The following C3orf85 variants were observed in gnomAD, a reference collection of about 807,000 sequenced individuals.
C3orf85 encodes the protein chromosome 3 open reading frame 85, also known as uncharacterized protein C3orf85.
Under a neutral mutation model 1.7 loss-of-function variants are expected in C3orf85, and 1 was observed. That is an observed-to-expected ratio of 0.60 (90% CI 0.21 to 2.86). The LOEUF is 2.86. Ranked by LOEUF, C3orf85 falls within the 30% of genes most tolerant of loss-of-function variation. The pLI, the probability that C3orf85 is intolerant of heterozygous loss-of-function variation, is 0.22. For synonymous variants in C3orf85, 17 were observed against 8.0 expected, an observed-to-expected ratio of 2.13 and a Z score of -1.90; for missense variants, 29 against 21.3, an observed-to-expected ratio of 1.36 and a Z score of -0.72.
chr3:109,145,296 C>T (rs1427733266), intron 2 of C3orf85, among the ~76,000 whole-genome samples: 1 of 152,124 alleles, frequency 6.6e-6, no homozygotes, highest in Non-Finnish European at 1.5e-5. Context: ...ATTACTCAGT[C>T]TTAAAAAAGG....
intron 2 of C3orf85, among the ~76,000 whole-genome samples, chr3:109,137,472 T>A (rs1367686562): frequency 6.6e-6 from 1 of 151,760 alleles, no homozygotes; most frequent in East Asian, 1.9e-4. Flanking sequence ...ATTATCTTCA[T>A]GGTTAAATCT....
chr3:109,141,723 C>A (rs1441756118), intron 2 of C3orf85, among the ~76,000 whole-genome samples: 1 of 152,100 alleles, frequency 6.6e-6, no homozygotes, highest in Non-Finnish European at 1.5e-5. Context: ...ATAGCTATGC[C>A]ATTGTGTGTA....
At chr3:109,146,989 T>C (rs1419954488) in intron 2 of C3orf85, among the ~76,000 whole-genome samples, 6 of 152,196 alleles carry the variant, frequency 3.9e-5, no homozygotes, top group Non-Finnish European at 5.9e-5. Flanking sequence ...TGTTAACTAA[T>C]ATTATTTTTT....
At chr3:109,139,797 G>C (rs928700032) in intron 2 of C3orf85, among the ~76,000 whole-genome samples, 2 of 152,172 alleles carry the variant, frequency 1.3e-5, no homozygotes, top group Non-Finnish European at 2.9e-5. Context: ...GTTTTAGACA[G>C]GGAGAATAAT....
chr3:109,148,140 C>G, intron 2 of C3orf85, 113 bp from the exon 3 acceptor site: 3 of 609,058 alleles, frequency 4.9e-6, no homozygotes, highest in Non-Finnish European at 8.7e-6. Context: ...TCCAGAGTTT[C>G]CTCCTCAGGC....
intron 2 of C3orf85, 60 bp from the exon 3 acceptor site, chr3:109,148,193 A>G (rs1706821035): frequency 3.0e-6 from 2 of 656,806 alleles, no homozygotes; most frequent in South Asian, 3.4e-5. Flanking sequence ...TTGAAGAGGA[A>G]ACATTGAGAT....
chr3:109,141,650 C>T (rs1706744618), intron 2 of C3orf85, among the ~76,000 whole-genome samples: 1 of 152,196 alleles, frequency 6.6e-6, no homozygotes, highest in African/African-American at 2.4e-5. Context: ...CTAAACACAA[C>T]TCTTCTGTCT....
In C3orf85 at chr3:109,148,242, C is replaced by G; in HGVS notation, c.50-11C>G. On this transcript the variant is annotated splice_polypyrimidine_tract_variant and intron_variant, in intron 2 of 3. Coordinates refer to ENST00000622536, the MANE Select transcript of C3orf85 (RefSeq NM_001351622.2). The stretch of plus-strand genomic sequence containing the variant: ...CTAAAAGATGCTGTGCTCTTGGACT[C>G]TAAATTGCAGGAGCATTGGGAGCGC... 1 of 700,936 alleles carries G rather than the reference C, an allele frequency of 1.4e-6. No individual in the cohort carries two copies. Among genetic ancestry groups the G allele is most frequent in the Non-Finnish European group, 2.6e-6 (1 of 384,028 alleles). The allele number at this position is 700,936 out of a possible 1,614,324, so 43.4% of individuals were successfully genotyped here.
intron 2 of C3orf85, among the ~76,000 whole-genome samples, chr3:109,140,903 G>A (rs1257791652): frequency 3.3e-5 from 5 of 152,220 alleles, no homozygotes; most frequent in African/African-American, 1.2e-4. Context: ...TGTAATGCCA[G>A]TAAAGTGGAA....
intron 2 of C3orf85, among the ~76,000 whole-genome samples, chr3:109,138,852 A>T (rs1706708224): frequency 6.6e-6 from 1 of 152,248 alleles, no homozygotes; most frequent in Non-Finnish European, 1.5e-5. Context: ...TTAAAAAATA[A>T]GCATATAAAC....
chr3:109,149,203 T>C (rs1016416620), intron 3 of C3orf85: 4 of 152,084 alleles, frequency 2.6e-5, no homozygotes, highest in African/African-American at 9.7e-5. Context: ...TTTCCACATA[T>C]CTCAGGATCT....
chr3:109,139,953 A>G (rs1242593124), intron 2 of C3orf85, among the ~76,000 whole-genome samples: 1 of 152,166 alleles, frequency 6.6e-6, no homozygotes. Context: ...ATTCTAACAC[A>G]CAACCCTGTC....
At chr3:109,146,629 G>T (rs1706802007) in intron 2 of C3orf85, among the ~76,000 whole-genome samples, 1 of 152,128 alleles carries the variant, frequency 6.6e-6, no homozygotes, top group Non-Finnish European at 1.5e-5. Flanking sequence ...TTGTCATGTG[G>T]TCTTCTCCCT....
chr3:109,147,023 C>G (rs931660010), intron 2 of C3orf85, among the ~76,000 whole-genome samples: 1 of 151,978 alleles, frequency 6.6e-6, no homozygotes, highest in African/African-American at 2.4e-5. Context: ...TCTATCTAGC[C>G]AACTCTGACT....
Position 109,150,078 on chromosome 3 carries a change from A to T in C3orf85, c.*184A>T, listed in dbSNP as rs1380570395. ...AACCCATGTAGGAAACTGGAATAAG[A>T]CATTCTCAATAAATGGTAGTTCTCA... On this transcript the variant is annotated 3_prime_UTR_variant, in exon 4 of 4. Transcript: ENST00000622536. The T allele has an allele frequency of 8.3e-6, 3 of 360,816 alleles. No individual in the cohort carries two copies. Among genetic ancestry groups the T allele is most frequent in the Non-Finnish European group, 1.5e-5 (3 of 202,938 alleles). The allele number at this position is 360,816 out of a possible 1,614,324, so 22.4% of individuals were successfully genotyped here. A position where few individuals can be genotyped will look rare whatever the true frequency, so the allele number is the denominator to read the frequency against.
chr3:109,138,786 G>C (rs146636893), intron 2 of C3orf85, among the ~76,000 whole-genome samples: 2 of 152,054 alleles, frequency 1.3e-5, no homozygotes, highest in Non-Finnish European at 2.9e-5. Flanking sequence ...TAACTTATAC[G>C]CATTGGAGCT....
chr3:109,136,838 A>G lies in C3orf85; in HGVS notation c.-4-6A>G, dbSNP rs1706682448. The G allele has an allele frequency of 4.8e-6, 2 of 416,104 alleles. No individual in the cohort carries two copies. Among genetic ancestry groups the G allele is most frequent in the Admixed American group, 4.2e-5 (1 of 23,708 alleles). 25.8% of individuals were successfully genotyped at this position (416,104 alleles called of 1,614,324 possible). On this transcript the variant is annotated splice_region_variant and splice_polypyrimidine_tract_variant and intron_variant, in intron 1 of 3. Transcript: ENST00000622536. ...GTAAATAAATCTTTTTTTTTTCCCAAAATAGGATCATGGCCTATAAAATGC... is the reference window on the plus strand; with the variant it reads ...GTAAATAAATCTTTTTTTTTTCCCAGAATAGGATCATGGCCTATAAAATGC...
rs1706682644 is a variant in C3orf85 at position 109,136,864 on chromosome 3, T to G, written c.17T>G (p.Leu6Arg). The change falls in exon 2 of 4, where the codon CTT becomes CGT. Residue 6 changes from leucine to arginine, a missense_variant. Leu to Arg is a moderately radical substitution (Grantham distance 102, BLOSUM62 -2). Transcript: ENST00000622536. ...AATAGGATCATGGCCTATAAAATGCTTCAAGTAGTCCTGTGCTCAACATTG... is the reference window on the plus strand; with the variant it reads ...AATAGGATCATGGCCTATAAAATGCGTCAAGTAGTCCTGTGCTCAACATTG... Reference protein sequence around the residue: MAYKMLQVVLCSTLLI... With the variant: MAYKMRQVVLCSTLLI... 2.3e-6 allele frequency: 1 copy of G among 425,850 alleles called. No homozygotes were observed. The highest frequency in any genetic ancestry group is 4.2e-6 in the Non-Finnish European group (1 of 237,986). 26.4% of individuals were successfully genotyped at this position (425,850 alleles called of 1,614,324 possible).
At chr3:109,139,954 C>G (rs890160925) in intron 2 of C3orf85, among the ~76,000 whole-genome samples, 1 of 152,234 alleles carries the variant, frequency 6.6e-6, no homozygotes, top group African/African-American at 2.4e-5. Flanking sequence ...TTCTAACACA[C>G]AACCCTGTCA....
Sources: gnomAD v4.1 joint callset for allele counts (sites outside exome capture counted in the v4.1 genomes callset) on GRCh38, gnomAD v4.1.1 for gene constraint, MANE v1.5 for transcripts, NCBI Gene and HGNC (gene_info 2026-07-23, HGNC 2026-07-21) for gene names.